Variants in ETFA observed in about 807,000 individuals in gnomAD.
ETFA encodes electron transfer flavoprotein subunit alpha.
Under a neutral mutation model 46.2 loss-of-function variants are expected in ETFA, and 22 were observed. That is an observed-to-expected ratio of 0.48 (90% confidence interval 0.34 to 0.68). The LOEUF is 0.68. Ranked by LOEUF, ETFA falls within the 30% of genes least tolerant of loss-of-function variation. The pLI, the probability that ETFA is intolerant of heterozygous loss-of-function variation, is 0.01. For synonymous variants in ETFA, 131 were observed against 139.9 expected (o/e 0.94, Z 0.45); for missense variants, 345 against 401.1 (o/e 0.86, Z 1.19).
At chr15:76,273,176 G>C (rs1037322446) in intron 9 of ETFA, among the ~76,000 whole-genome samples, 1 of 151,996 alleles carries the variant, frequency 6.6e-6, no homozygotes, top group Non-Finnish European at 1.5e-5. Context: ...TTTGTATGTA[G>C]GTTATATAAA....
chr15:76,283,841 G>GA lies in ETFA; in HGVS notation c.665-17dup, dbSNP rs144403864. ...AAGCCTCGACCTCATTTAAAAAGAT[G>GA]AAAAAAAAAAATTAGGCAAACATCA... is the stretch of plus-strand genomic sequence containing the variant. On this transcript the variant is annotated splice_polypyrimidine_tract_variant and intron_variant, in intron 7 of 11. Coordinates refer to ENST00000557943, the MANE Select transcript of ETFA (RefSeq NM_000126.4). 16,892 of 1,292,376 alleles carry GA rather than the reference G, an allele frequency of 0.013. 2 individuals carry two copies. Among genetic ancestry groups the GA allele is most frequent in the Non-Finnish European group, 0.014 (13,840 of 956,118 alleles). 80.1% of individuals were successfully genotyped at this position (1,292,376 alleles called of 1,614,324 possible).
chr15:76,292,460 T>C lies in ETFA; in HGVS notation c.322A>G (p.Ile108Val), dbSNP rs759821353. Residue 108 changes from isoleucine to valine, a missense_variant, in exon 4 of 12, where the codon ATC becomes GTC. Physicochemically the swap from Ile to Val is conservative, Grantham distance 29. Coordinates refer to ENST00000557943, the MANE Select transcript of ETFA (RefSeq NM_000126.4). ...ATQKQFNYTH[I>V]CAGASAFGKN... ...CCGAAGGCAGATGCTCCAGCACAGA[T>C]GTGTGTGTAATTGAACTGCTTCTGA... The C allele has an allele frequency of 1.5e-5, 25 of 1,613,724 alleles. No individual in the cohort carries two copies. The highest frequency in any genetic ancestry group is 2.1e-5 in the Non-Finnish European group (25 of 1,179,570).
intron 1 of ETFA, among the ~76,000 whole-genome samples, chr15:76,300,458 C>G (rs2039868226): frequency 6.6e-6 from 1 of 152,154 alleles, no homozygotes; most frequent in South Asian, 2.1e-4. Flanking sequence ...ATTCTTCCTT[C>G]TAAAGAGAGC....
rs891385668 is a variant in ETFA at position 76,272,832 on chromosome 15, G to C, written c.816+1580C>G. Among the ~76,000 whole-genome samples, 28 of 81,768 alleles carry C rather than the reference G, an allele frequency of 3.4e-4. No individual in the cohort carries two copies. In the East Asian group the frequency reaches 5.1e-3, roughly 15 times the overall value. The allele number at this position is 81,768 out of a possible 152,430, so 53.6% of individuals were successfully genotyped here. A position where few individuals can be genotyped will look rare whatever the true frequency, so the allele number is the denominator to read the frequency against. On this transcript the variant is annotated intron_variant, in intron 9 of 11. Coordinates refer to ENST00000557943, the MANE Select transcript of ETFA (RefSeq NM_000126.4). Reference sequence around the variant, plus strand: ...TATATACATATATATATATATATATGCGCATGTGTGCTAGAGCTCATTAAA... The same window carrying C: ...TATATACATATATATATATATATATCCGCATGTGTGCTAGAGCTCATTAAA...
intron 8 of ETFA, among the ~76,000 whole-genome samples, chr15:76,276,627 G>A (rs1215492332): frequency 6.6e-6 from 1 of 151,288 alleles, no homozygotes; most frequent in African/African-American, 2.4e-5. Context: ...TTTTTTTGTT[G>A]TTGTTGTTTT....
At chr15:76,275,926 A>T (rs1169826627) in intron 8 of ETFA, among the ~76,000 whole-genome samples, 1 of 152,212 alleles carries the variant, frequency 6.6e-6, no homozygotes, top group African/African-American at 2.4e-5. Flanking sequence ...CTTATACATG[A>T]GCACATAAGT....
chr15:76,295,705 T>A lies in ETFA; in HGVS notation c.72A>T (p.Val24=). 6.2e-7 allele frequency: 1 copy of A among 1,612,826 alleles called. No homozygotes were observed. Among genetic ancestry groups the A allele is most frequent in the Non-Finnish European group, 8.5e-7 (1 of 1,179,740 alleles). The change falls in exon 2 of 12, where the codon GTA becomes GTT. Residue 24 remains valine, a synonymous_variant. Transcript: ENST00000557943. ...ASLLRFQSTL[V]IAEHANDSLA... is the part of the protein sequence containing the mutation. ...GGGAATCATTTGCATGCTCAGCTATTACCAGGGTACTCTGAAATCGTAGCA... is the reference window on the plus strand; with the variant it reads ...GGGAATCATTTGCATGCTCAGCTATAACCAGGGTACTCTGAAATCGTAGCA...
chr15:76,307,489 C>CTT lies in ETFA; in HGVS notation c.39+3859_39+3860dup, dbSNP rs144568141. 4.7e-3 allele frequency among the ~76,000 whole-genome samples: 553 copies of CTT among 118,680 alleles called. 3 individuals carry two copies. The highest frequency in any genetic ancestry group is 0.018 in the African/African-American group (520 of 29,096). 77.9% of individuals were successfully genotyped at this position (118,680 alleles called of 152,430 possible). A position where few individuals can be genotyped will look rare whatever the true frequency, so the allele number is the denominator to read the frequency against. Reference sequence around the variant, plus strand: ...AATACATAAAATTTACCATCTTAACCTTTTTTTTTTTTTTTGAAACAGCGT... The same window carrying CTT: ...AATACATAAAATTTACCATCTTAACCTTTTTTTTTTTTTTTTTGAAACAGCGT... On this transcript the variant is annotated intron_variant, in intron 1 of 11. Transcript: ENST00000557943.
chr15:76,262,474 CTTTTTTTTT>C (rs60480510), intron 9 of ETFA, among the ~76,000 whole-genome samples: 5 of 84,688 alleles, frequency 5.9e-5, no homozygotes, highest in African/African-American at 1.3e-4. Flanking sequence ...ATCAAACCCC[CTTTTTTTTT>C]TTTTTTTTTT....
chr15:76,233,206 C>T (rs2039087218), intron 9 of ETFA, among the ~76,000 whole-genome samples: 1 of 152,004 alleles, frequency 6.6e-6, no homozygotes, highest in African/African-American at 2.4e-5. Context: ...TGTGACCCTA[C>T]ATAGTCGGAC....
At chr15:76,251,981 C>G (rs953412414) in intron 9 of ETFA, among the ~76,000 whole-genome samples, 3 of 152,156 alleles carry the variant, frequency 2.0e-5, no homozygotes, top group African/African-American at 7.2e-5. Flanking sequence ...GGATATATCT[C>G]TCTCTCTGAT....
intron 9 of ETFA, among the ~76,000 whole-genome samples, chr15:76,239,354 T>A (rs2039160792): frequency 6.6e-6 from 1 of 152,214 alleles, no homozygotes. Context: ...ACAATCAGGC[T>A]AATTAACATA....
rs758004001 is a variant in ETFA, at chr15:76,292,672, C to T, written c.215G>A (p.Gly72Asp). 2.0e-5 allele frequency: 33 copies of T among 1,613,280 alleles called. No individual in the cohort carries two copies. In the East Asian group the frequency reaches 3.1e-4, roughly 15 times the overall value. The change falls in exon 3 of 12, where the codon GGC (glycine) becomes GAC (aspartate). Residue 72 changes from glycine to aspartate, a missense_variant. By Grantham distance (94) the Gly-to-Asp change is moderately conservative. Transcript: ENST00000557943. Reference sequence around the variant, plus strand: ...CTGAGCCACCAGAACTTTTGCTATGCCTGCTACTTTACAGAGATCTTGTGC... The same window carrying T: ...CTGAGCCACCAGAACTTTTGCTATGTCTGCTACTTTACAGAGATCTTGTGC... ...KVAQDLCKVAGIAKVLVAQHD... is the reference protein window; with the variant it reads ...KVAQDLCKVADIAKVLVAQHD...
chr15:76,304,204 T>C (rs1208664076), intron 1 of ETFA, among the ~76,000 whole-genome samples: 1 of 152,092 alleles, frequency 6.6e-6, no homozygotes, highest in African/African-American at 2.4e-5. Flanking sequence ...AAACCAAACA[T>C]GGAATGTTCT....
In ETFA at chr15:76,310,369, G is replaced by GAAAAAAAAAAAAAAAAAAAAAAAAAAA. The variant is rs34111559; in HGVS notation, c.39+980_39+981insTTTTTTTTTTTTTTTTTTTTTTTTTTT. Among the ~76,000 whole-genome samples, 6 of 104,448 alleles carry GAAAAAAAAAAAAAAAAAAAAAAAAAAA rather than the reference G, an allele frequency of 5.7e-5. 2 individuals carry two copies. Among genetic ancestry groups the GAAAAAAAAAAAAAAAAAAAAAAAAAAA allele is most frequent in the African/African-American group, 3.7e-5 (1 of 26,932 alleles). 68.5% of individuals were successfully genotyped at this position (104,448 alleles called of 152,430 possible). A position where few individuals can be genotyped will look rare whatever the true frequency, so the allele number is the denominator to read the frequency against. ...GTGGATGGGAAAATATCCATGCCCA[G>GAAAAAAAAAAAAAAAAAAAAAAAAAAA]AAAAAAAAAAAAAAAAAAAAAAAGG... On this transcript the variant is annotated intron_variant, in intron 1 of 11. Coordinates refer to ENST00000557943, the MANE Select transcript of ETFA (RefSeq NM_000126.4).
chr15:76,284,502 A>T (rs554534868), intron 7 of ETFA: 6 of 197,148 alleles, frequency 3.0e-5, no homozygotes, highest in Admixed American at 6.1e-5. Flanking sequence ...TTATTTATTT[A>T]TTTTTTAGGA....
At chr15:76,294,078 G>A (rs910275343) in intron 2 of ETFA, among the ~76,000 whole-genome samples, 1 of 152,184 alleles carries the variant, frequency 6.6e-6, no homozygotes, top group African/African-American at 2.4e-5. Flanking sequence ...TCTATTAAAC[G>A]ATCTCTTCAT....
At chr15:76,291,522 G>A (rs1050296022) in intron 4 of ETFA, among the ~76,000 whole-genome samples, 41 of 150,766 alleles carry the variant, frequency 2.7e-4, no homozygotes, top group Non-Finnish European at 3.8e-4. Flanking sequence ...GGGCCGAGGC[G>A]GGCGGATCAC....
At chr15:76,280,197 C>T (rs999148049) in intron 8 of ETFA, among the ~76,000 whole-genome samples, 2 of 152,138 alleles carry the variant, frequency 1.3e-5, no homozygotes, top group Non-Finnish European at 2.9e-5. Flanking sequence ...CTTCACATTC[C>T]TATACCAACT....
Sources: allele counts gnomAD v4.1 joint callset (sites outside exome capture counted in the v4.1 genomes callset), GRCh38; gene constraint gnomAD v4.1.1; transcripts MANE v1.5; gene names NCBI Gene and HGNC (gene_info 2026-07-23, HGNC 2026-07-21).